Variants in EPB41L4B observed in about 807,000 individuals in gnomAD.
EPB41L4B encodes erythrocyte membrane protein band 4.1 like 4B.
EPB41L4B carries 30 observed loss-of-function variants against 112.5 expected under a neutral mutation model. The observed-to-expected ratio is 0.27, with a 90% CI of 0.20 to 0.36. The LOEUF (loss-of-function observed/expected upper bound fraction) is 0.36, where lower values mean the gene tolerates loss of function less well. EPB41L4B is among the 10% of genes least tolerant of loss of function. EPB41L4B has a pLI of 1.00. For synonymous variants in EPB41L4B, 408 were observed against 439.7 expected (o/e 0.93, Z 0.90); for missense variants, 1,024 against 1,133.3 (o/e 0.90, Z 1.38).
Position 109,174,526 on chromosome 9 carries a change from C to A in EPB41L4B, c.*28G>T. 6.3e-7 allele frequency: 1 copy of A among 1,593,462 alleles called. No homozygotes were observed. ...AAGAAGACGGACAGAAGGCACCATG[C>A]CATCTTCCAGGTGACAAGGGGAGAA... On this transcript the variant is annotated 3_prime_UTR_variant, in exon 26 of 26. Coordinates refer to ENST00000374566, the MANE Select transcript of EPB41L4B (RefSeq NM_019114.5).
At chr9:109,303,789 A>C (rs2119231263) in intron 1 of EPB41L4B, among the ~76,000 whole-genome samples, 1 of 152,060 alleles carries the variant, frequency 6.6e-6, no homozygotes, top group African/African-American at 2.4e-5. Context: ...TATGGTTGTG[A>C]ACCACCACAC....
intron 15 of EPB41L4B, among the ~76,000 whole-genome samples, chr9:109,242,490 C>G (rs545227211): frequency 1.3e-4 from 20 of 152,340 alleles, no homozygotes; most frequent in African/African-American, 4.1e-4. Flanking sequence ...TTCTAGAAAT[C>G]TCTTCTGTTT....
chr9:109,302,512 G>T (rs1837008099), intron 1 of EPB41L4B, among the ~76,000 whole-genome samples: 1 of 152,110 alleles, frequency 6.6e-6, no homozygotes, highest in Admixed American at 6.5e-5. Context: ...TGAATTTGGG[G>T]AAAATGGAGG....
intron 1 of EPB41L4B, among the ~76,000 whole-genome samples, chr9:109,312,478 G>A (rs550637323): frequency 6.6e-6 from 1 of 152,252 alleles, no homozygotes; most frequent in African/African-American, 2.4e-5. Flanking sequence ...TCGCCATCCA[G>A]CTCGGAACCT....
At chr9:109,264,098 C>T (rs1254685605) in intron 5 of EPB41L4B, among the ~76,000 whole-genome samples, 1 of 152,130 alleles carries the variant, frequency 6.6e-6, no homozygotes, top group Non-Finnish European at 1.5e-5. Flanking sequence ...TCATAATACA[C>T]ACACCAACCA....
intron 1 of EPB41L4B, among the ~76,000 whole-genome samples, chr9:109,303,245 GATAA>G (rs1837046143): frequency 6.6e-6 from 1 of 151,506 alleles, no homozygotes; most frequent in Admixed American, 6.6e-5. Flanking sequence ...TGGTGAAAGT[GATAA>G]ATAAAAAAAA....
intron 21 of EPB41L4B, among the ~76,000 whole-genome samples, chr9:109,193,533 C>T (rs1167054505): frequency 6.6e-6 from 1 of 152,228 alleles, no homozygotes; most frequent in African/African-American, 2.4e-5. Flanking sequence ...TCTGAAGCTC[C>T]GGTCTTGCCT....
chr9:109,176,782 A>G (rs977086276), intron 24 of EPB41L4B, 86 bp from the exon 25 acceptor site: 74 of 1,474,488 alleles, frequency 5.0e-5, no homozygotes, highest in Admixed American at 2.0e-5. Flanking sequence ...CTTACTCTAC[A>G]GTTCCTGTTC....
chr9:109,274,054 C>A (rs1249126224), intron 2 of EPB41L4B, among the ~76,000 whole-genome samples: 2 of 152,178 alleles, frequency 1.3e-5, no homozygotes, highest in Non-Finnish European at 2.9e-5. Context: ...TATCTATGTA[C>A]CAACCTCACT....
Position 109,288,583 on chromosome 9 carries a change from C to T in EPB41L4B, c.307-8662G>A, listed in dbSNP as rs1204596463. Among the ~76,000 whole-genome samples the T allele has an allele frequency of 7.9e-5, 12 of 151,780 alleles. No homozygotes were observed. In the South Asian group the frequency reaches 1.0e-3, roughly 13 times the overall value. On this transcript the variant is annotated intron_variant, in intron 1 of 25. Transcript: ENST00000374566. ...AACAAAATACAAAAAATTAGCTGGG[C>T]GTTGTGGCGGGCACCTGTAGTCCCA...
intron 23 of EPB41L4B, 117 bp from the exon 24 acceptor site, chr9:109,182,914 C>A: frequency 1.4e-6 from 1 of 718,670 alleles, no homozygotes; most frequent in Non-Finnish European, 2.5e-6. Flanking sequence ...CCCGCAGAGC[C>A]TTCATCACTC....
chr9:109,303,990 T>C (rs1837077867), intron 1 of EPB41L4B, among the ~76,000 whole-genome samples: 1 of 152,202 alleles, frequency 6.6e-6, no homozygotes, highest in South Asian at 2.1e-4. Context: ...AATTAAAATT[T>C]TTAAAGGGAA....
chr9:109,314,279 A>G (rs535278392), intron 1 of EPB41L4B, among the ~76,000 whole-genome samples: 27 of 152,220 alleles, frequency 1.8e-4, no homozygotes, highest in African/African-American at 6.3e-4. Flanking sequence ...GCCAGGCTGG[A>G]TTTTTTTCTA....
At chr9:109,283,015 T>C (rs1399174808) in intron 1 of EPB41L4B, among the ~76,000 whole-genome samples, 1 of 151,932 alleles carries the variant, frequency 6.6e-6, no homozygotes, top group African/African-American at 2.4e-5. Flanking sequence ...ACAAGCAGAA[T>C]ATAGGGAAGA....
chr9:109,302,019 G>A lies in EPB41L4B; in HGVS notation c.306+18122C>T, dbSNP rs183224876. 2.6e-3 allele frequency among the ~76,000 whole-genome samples: 392 copies of A among 152,330 alleles called. 3 individuals carry two copies. Among genetic ancestry groups the A allele is most frequent in the Admixed American group, 2.0e-3 (31 of 15,306 alleles). On this transcript the variant is annotated intron_variant, in intron 1 of 25. Transcript: ENST00000374566. The stretch of plus-strand genomic sequence containing the variant: ...ACAGATGCCAGTTCCTGCACCTAAA[G>A]TGCAGCAAAACAACTATGCCAGAGC...
At chr9:109,202,806 C>T (rs1832878920) in intron 19 of EPB41L4B, among the ~76,000 whole-genome samples, 1 of 152,192 alleles carries the variant, frequency 6.6e-6, no homozygotes, top group African/African-American at 2.4e-5. Context: ...CCTGACTTCA[C>T]TACCGTGCAA....
intron 15 of EPB41L4B, among the ~76,000 whole-genome samples, chr9:109,231,529 T>A (rs1295811983): frequency 6.6e-6 from 1 of 152,244 alleles, no homozygotes; most frequent in African/African-American, 2.4e-5. Context: ...TCCCTACTTG[T>A]TCCTAACTAC....
At chr9:109,293,271 T>G (rs1051072037) in intron 1 of EPB41L4B, among the ~76,000 whole-genome samples, 2 of 152,250 alleles carry the variant, frequency 1.3e-5, no homozygotes, top group African/African-American at 2.4e-5. Context: ...GTATTTATGA[T>G]GTTTTTCATA....
intron 1 of EPB41L4B, among the ~76,000 whole-genome samples, chr9:109,314,641 C>CCA (rs1554766780): frequency 0.12 from 18,484 of 151,708 alleles, 1,430 homozygotes; most frequent in East Asian, 0.2. Context: ...CTCACCCCCC[C>CCA]CCACCTCAGC....
Sources: allele counts gnomAD v4.1 joint callset (sites outside exome capture counted in the v4.1 genomes callset), GRCh38; gene constraint gnomAD v4.1.1; transcripts MANE v1.5; gene names NCBI Gene and HGNC (gene_info 2026-07-23, HGNC 2026-07-21).